MTMR6: variants seen among roughly 807,000 people sequenced by gnomAD.
MTMR6 encodes the protein myotubularin related protein 6.
A neutral mutation model predicts 80.1 loss-of-function variants in MTMR6; 47 were observed. That is an observed-to-expected ratio of 0.59 (90% CI 0.46 to 0.75). The LOEUF is 0.75. Among genes scored for constraint, MTMR6 ranks in the 30% least tolerant of loss-of-function variants. The pLI, the probability that MTMR6 is intolerant of heterozygous loss-of-function variation, is 0.00. For synonymous variants in MTMR6, 254 were observed against 253.0 expected (o/e 1.00, Z -0.04); for missense variants, 629 against 730.9 (o/e 0.86, Z 1.61).
chr13:25,287,348 C>T lies in MTMR6; in HGVS notation c.-101G>A, dbSNP rs1957975181. 6.9e-6 allele frequency: 10 copies of T among 1,454,936 alleles called. No individual in the cohort carries two copies. The South Asian group carries it at 1.1e-4, about 16-fold the overall frequency. 90.1% of individuals were successfully genotyped at this position (1,454,936 alleles called of 1,614,324 possible). ...AGAGAGCAAGCGGGAACTCCCTCCA[C>T]CAGCCAGCGCCGCGGGTCTGTCTGC... On this transcript the variant is annotated 5_prime_UTR_variant, in exon 1 of 14. It adds an upstream start codon to the 5' untranslated region. Transcript: ENST00000381801.
chr13:25,251,877 G>A lies in MTMR6; in HGVS notation c.1454C>T (p.Pro485Leu), dbSNP rs113373326. 6.2e-7 allele frequency: 1 copy of A among 1,608,218 alleles called. No homozygotes were observed. The highest frequency in any genetic ancestry group is 1.1e-5 in the South Asian group (1 of 89,470). ...SESHRFTVLE[P>L]NTVSFNFKFW... ...CTTAAAATTGAAAGATACTGTATTT[G>A]GCTCCAAAACTGTAAATCTGTGAGA... The change falls in exon 12 of 14, where the codon CCA (proline) becomes CTA (leucine). Residue 485 changes from proline (P) to leucine (L), a missense_variant. Pro to Leu is a moderately conservative substitution (Grantham distance 98). Transcript: ENST00000381801. The surrounding 1 kb of genome is among the most constrained non-coding windows in gnomAD (Gnocchi z 4.1).
chr13:25,257,393 T>C lies in MTMR6; in HGVS notation c.970-72A>G. 1.9e-6 allele frequency: 3 copies of C among 1,544,928 alleles called. No homozygotes were observed. In the South Asian group the frequency reaches 3.6e-5, roughly 18 times the overall value. On this transcript the variant is annotated intron_variant, in intron 8 of 13. Coordinates refer to ENST00000381801, the MANE Select transcript of MTMR6 (RefSeq NM_004685.5). Reference sequence around the variant, plus strand: ...AATAAATTCTACTTGAAAATCATACTAGCAGGTATTGTGTTACAAGGAAGT... The same window carrying C: ...AATAAATTCTACTTGAAAATCATACCAGCAGGTATTGTGTTACAAGGAAGT...
chr13:25,266,634 T>C (rs944522398), intron 3 of MTMR6, among the ~76,000 whole-genome samples: 1 of 152,132 alleles, frequency 6.6e-6, no homozygotes, highest in Non-Finnish European at 1.5e-5. Context: ...AGATGTAAAA[T>C]AGACTAATGT....
At chr13:25,276,814 A>G (rs1014394709) in intron 1 of MTMR6, among the ~76,000 whole-genome samples, 6 of 152,180 alleles carry the variant, frequency 3.9e-5, no homozygotes, top group African/African-American at 1.4e-4. Context: ...GTGAGGTCTC[A>G]CTATGTGCCT....
chr13:25,263,906 G>A (rs1957394173), intron 5 of MTMR6, among the ~76,000 whole-genome samples: 1 of 151,862 alleles, frequency 6.6e-6, no homozygotes, highest in Non-Finnish European at 1.5e-5. Context: ...AAAGAAAAAA[G>A]AAAACAAAGA....
At chr13:25,287,068 C>T (rs185594115) in intron 1 of MTMR6, among the ~76,000 whole-genome samples, 156 bp downstream of exon 1, 2 of 152,176 alleles carry the variant, frequency 1.3e-5, no homozygotes, top group Non-Finnish European at 2.9e-5. Flanking sequence ...TAACCCTGCC[C>T]TCCCAGACCA....
chr13:25,285,746 C>G (rs1413730569), intron 1 of MTMR6, among the ~76,000 whole-genome samples: 1 of 152,054 alleles, frequency 6.6e-6, no homozygotes, highest in African/African-American at 2.4e-5. Context: ...GTTGTCCAGG[C>G]TGGTCTCGAA....
intron 1 of MTMR6, among the ~76,000 whole-genome samples, chr13:25,279,659 C>A (rs576143095): frequency 1.3e-5 from 2 of 152,058 alleles, no homozygotes; most frequent in Non-Finnish European, 2.9e-5. Context: ...AAGAAGGATG[C>A]GTATGGAGTT....
At chr13:25,261,636 C>T in intron 6 of MTMR6, 32 bp downstream of exon 6, 2 of 1,493,776 alleles carry the variant, frequency 1.3e-6, no homozygotes, top group Non-Finnish European at 1.8e-6. Flanking sequence ...AATAATTAAA[C>T]TAGCAGACTG....
chr13:25,251,694 AT>A lies in MTMR6; in HGVS notation c.1559del (p.Asn520MetfsTer7). ...CTTTCTCTAATTGTTTATTTTGCTCATTCATATTCATAATTATATTAAATAC... is the reference window on the plus strand; with the variant it reads ...CTTTCTCTAATTGTTTATTTTGCTCATCATATTCATAATTATATTAAATAC... ...QSVFNIIMNMNEQNKQLEKDI... is the reference protein window; with the variant it reads ...QSVFNIIMNMXEQNKQLEKDI... On this transcript the variant is annotated frameshift_variant, in exon 13 of 14. Transcript: ENST00000381801. LOFTEE classifies it high-confidence loss of function. This position sits in a 1 kb window ranked among gnomAD's most constrained non-coding sequence, Gnocchi z 4.1. 1 of 1,554,432 alleles carries A rather than the reference AT, an allele frequency of 6.4e-7. No individual in the cohort carries two copies. The highest frequency in any genetic ancestry group is 8.8e-7 in the Non-Finnish European group (1 of 1,131,786).
rs878909744 is a variant in MTMR6 at position 25,247,431 on chromosome 13, C to T, written c.*1801G>A. The T allele has an allele frequency of 3.3e-5, 5 of 152,606 alleles. No individual in the cohort carries two copies. In the South Asian group the frequency reaches 1.0e-3, roughly 32 times the overall value. The allele number at this position is 152,606 out of a possible 1,614,324, so 9.5% of individuals were successfully genotyped here. ...AGGTCACTTAAGATGTAACTGATTTCTCAGTCCACCTGTGAGCATATAAAC... is the reference window on the plus strand; with the variant it reads ...AGGTCACTTAAGATGTAACTGATTTTTCAGTCCACCTGTGAGCATATAAAC... On this transcript the variant is annotated 3_prime_UTR_variant, in exon 14 of 14. Coordinates refer to ENST00000381801, the MANE Select transcript of MTMR6 (RefSeq NM_004685.5).
intron 6 of MTMR6, among the ~76,000 whole-genome samples, chr13:25,260,356 CAG>C (rs1957306035): frequency 6.6e-6 from 1 of 151,984 alleles, no homozygotes; most frequent in African/African-American, 2.4e-5. Context: ...TTAGTACAGA[CAG>C]AGTTTCTCCA....
chr13:25,281,721 T>C (rs1213820552), intron 1 of MTMR6, among the ~76,000 whole-genome samples: 1 of 152,172 alleles, frequency 6.6e-6, no homozygotes, highest in African/African-American at 2.4e-5. Flanking sequence ...ACTCTCAGAA[T>C]CATTTCACAC....
chr13:25,257,503 C>CAAAAAAAA (rs941012058), intron 8 of MTMR6, among the ~76,000 whole-genome samples, 182 bp from the exon 9 acceptor site: 1 of 138,904 alleles, frequency 7.2e-6, no homozygotes. Flanking sequence ...AGCAAACAAA[C>CAAAAAAAA]AAAAAAAAAA....
rs201880016 is a variant in MTMR6, at chr13:25,277,572, T to C, written c.25-3385A>G. 8.5e-5 allele frequency among the ~76,000 whole-genome samples: 13 copies of C among 152,300 alleles called. No homozygotes were observed. The East Asian group carries it at 9.6e-4, about 11-fold the overall frequency. The stretch of plus-strand genomic sequence containing the variant: ...ATTTATTAAATAAGATTCTTCTTTA[T>C]CCCATTATACTTTTCCTCATCTCTC... On this transcript the variant is annotated intron_variant, in intron 1 of 13. Coordinates refer to ENST00000381801, the MANE Select transcript of MTMR6 (RefSeq NM_004685.5).
intron 9 of MTMR6, among the ~76,000 whole-genome samples, chr13:25,255,698 A>G (rs935926165): frequency 1.3e-5 from 2 of 151,976 alleles, no homozygotes; most frequent in Non-Finnish European, 2.9e-5. Context: ...TAATTTTTGT[A>G]TTTTTAGCAG....
rs78343284 is a variant in MTMR6 at position 25,266,155 on chromosome 13, A to G, written c.436T>C (p.Leu146=). ...RMGVPNSHWQ[L]SDANRDYKIC... ...TTGTAGTCCCGGTTGGCATCAGACA[A>G]CTGCCAGTGTGAGTTTGGCACTCCC... The change falls in exon 4 of 14, where the codon TTG becomes CTG. Residue 146 remains leucine (L), a synonymous_variant. Coordinates refer to ENST00000381801, the MANE Select transcript of MTMR6 (RefSeq NM_004685.5). 5.6e-6 allele frequency: 9 copies of G among 1,613,812 alleles called. No homozygotes were observed. The highest frequency in any genetic ancestry group is 7.6e-6 in the Non-Finnish European group (9 of 1,179,968).
Position 25,257,243 on chromosome 13 carries a change from C to A in MTMR6, c.1048G>T (p.Gly350Cys). The A allele has an allele frequency of 6.2e-7, 1 of 1,613,854 alleles. No homozygotes were observed. Among genetic ancestry groups the A allele is most frequent in the South Asian group, 1.1e-5 (1 of 91,068 alleles). The change falls in exon 9 of 14, where the codon GGT becomes TGT. Residue 350 changes from glycine (G) to cysteine (C), a missense_variant. Coordinates refer to ENST00000381801, the MANE Select transcript of MTMR6 (RefSeq NM_004685.5). ...TAGTAGGAATCCAATAAAAGAGAACCCAGGGAACAAACCTGGGAAGTCCTA... is the reference window on the plus strand; with the variant it reads ...TAGTAGGAATCCAATAAAAGAGAACACAGGGAACAAACCTGGGAAGTCCTA... ...WDRTSQVCSL[G>C]SLLLDSYYRT...
intron 2 of MTMR6, among the ~76,000 whole-genome samples, chr13:25,270,961 C>T (rs758971523): frequency 1.3e-5 from 2 of 152,094 alleles, no homozygotes; most frequent in Non-Finnish European, 2.9e-5. Flanking sequence ...CTATGTTTTA[C>T]GCACAGATGT....
Sources: gnomAD v4.1 joint callset for allele counts (sites outside exome capture counted in the v4.1 genomes callset) on GRCh38, gnomAD v4.1.1 for gene constraint, Gnocchi (gnomAD v3.1) non-coding constraint, MANE v1.5 for transcripts, NCBI Gene and HGNC (gene_info 2026-07-23, HGNC 2026-07-21) for gene names.